SPRED1: variants seen among roughly 807,000 people sequenced by gnomAD.
SPRED1 encodes the protein sprouty related EVH1 domain containing 1.
A neutral mutation model predicts 52.3 loss-of-function variants in SPRED1; 18 were observed. The ratio of observed to expected loss-of-function variants is 0.34; its 90% CI spans 0.24 to 0.51. The LOEUF (loss-of-function observed/expected upper bound fraction) is 0.51. SPRED1 is among the 20% of genes least tolerant of loss of function. The probability of loss-of-function intolerance (pLI) is 0.97; values close to 1 mark genes in which losing one functional copy is unlikely to be tolerated. For missense variants in SPRED1, 485 were observed against 551.0 expected (o/e 0.88, Z 1.20); for synonymous variants, 155 against 179.7 (o/e 0.86, Z 1.10).
intron 1 of SPRED1, among the ~76,000 whole-genome samples, chr15:38,293,027 ATAT>A (rs1257690638): frequency 2.0e-5 from 3 of 150,808 alleles, no homozygotes; most frequent in African/African-American, 4.9e-5. Context: ...ACTGTGATAA[ATAT>A]TATTATTTCC....
At chr15:38,260,788 C>T (rs891185998) in intron 1 of SPRED1, among the ~76,000 whole-genome samples, 4 of 152,150 alleles carry the variant, frequency 2.6e-5, no homozygotes, top group Non-Finnish European at 5.9e-5. Context: ...CTGCCAAAAA[C>T]ATCCATGACA....
intron 2 of SPRED1, among the ~76,000 whole-genome samples, chr15:38,316,824 C>G (rs1398713715): frequency 8.3e-6 from 1 of 121,078 alleles, no homozygotes; most frequent in Non-Finnish European, 1.6e-5. Context: ...ATGAAAAGTT[C>G]AAAAAGTTCT....
chr15:38,275,496 A>G (rs1894530095), intron 1 of SPRED1, among the ~76,000 whole-genome samples: 1 of 151,988 alleles, frequency 6.6e-6, no homozygotes, highest in Admixed American at 6.6e-5. Context: ...GGCTGGTGGT[A>G]TTATTATTAC....
At chr15:38,320,005 A>C (rs1016443799) in intron 2 of SPRED1, among the ~76,000 whole-genome samples, 1 of 152,172 alleles carries the variant, frequency 6.6e-6, no homozygotes, top group South Asian at 2.1e-4. Flanking sequence ...TAGTATTTCC[A>C]CCGTACAGAT....
intron 4 of SPRED1, among the ~76,000 whole-genome samples, chr15:38,329,489 A>G (rs1895769430): frequency 6.6e-6 from 1 of 152,204 alleles, no homozygotes; most frequent in Non-Finnish European, 1.5e-5. Context: ...TTTAGGTAGT[A>G]CAGAGTATTT....
At chr15:38,263,843 A>G (rs1894251444) in intron 1 of SPRED1, among the ~76,000 whole-genome samples, 1 of 152,190 alleles carries the variant, frequency 6.6e-6, no homozygotes, top group Non-Finnish European at 1.5e-5. Context: ...AAATCTCATA[A>G]TGTTATAAGA....
rs773453342 is a variant in SPRED1, at chr15:38,351,745, C to T, written c.*81C>T. The T allele has an allele frequency of 2.2e-5, 33 of 1,517,022 alleles. No homozygotes were observed. Among genetic ancestry groups the T allele is most frequent in the Non-Finnish European group, 2.8e-5 (31 of 1,115,808 alleles). 94.0% of individuals were successfully genotyped at this position (1,517,022 alleles called of 1,614,324 possible). ...TGGATTTGTGGAAGCTTTTGGCAAG[C>T]AATATGGAATCTTGCCTGGTATCAT... On this transcript the variant is annotated 3_prime_UTR_variant, in exon 7 of 7. Coordinates refer to ENST00000299084, the MANE Select transcript of SPRED1 (RefSeq NM_152594.3).
intron 3 of SPRED1, among the ~76,000 whole-genome samples, chr15:38,324,040 T>G (rs2140996057): frequency 6.6e-6 from 1 of 152,256 alleles, no homozygotes; most frequent in South Asian, 2.1e-4. Flanking sequence ...TATATAGACT[T>G]TCAACAATCT....
At chr15:38,334,006 G>A (rs1203329729) in intron 4 of SPRED1, among the ~76,000 whole-genome samples, 1 of 152,056 alleles carries the variant, frequency 6.6e-6, no homozygotes, top group South Asian at 2.1e-4. Context: ...GGATTATTGT[G>A]AAGATTGAGT....
intron 2 of SPRED1, among the ~76,000 whole-genome samples, chr15:38,316,835 A>G (rs1193052334): frequency 7.5e-6 from 1 of 133,744 alleles, no homozygotes; most frequent in Non-Finnish European, 1.5e-5. Context: ...AAAAAGTTCT[A>G]GTACTAATAA....
At chr15:38,277,993 T>A (rs1894596029) in intron 1 of SPRED1, among the ~76,000 whole-genome samples, 1 of 78,772 alleles carries the variant, frequency 1.3e-5, no homozygotes, top group Non-Finnish European at 3.0e-5. Flanking sequence ...TTTAAATTAA[T>A]GTAAGGATGT....
intron 1 of SPRED1, among the ~76,000 whole-genome samples, chr15:38,269,909 T>C (rs952190057): frequency 9.4e-5 from 10 of 106,724 alleles, no homozygotes; most frequent in African/African-American, 3.5e-4. Context: ...TTCTTTCTTT[T>C]TTTTTTTTTT....
chr15:38,326,560 G>C (rs574947261), intron 4 of SPRED1, among the ~76,000 whole-genome samples: 3 of 152,290 alleles, frequency 2.0e-5, no homozygotes, highest in African/African-American at 7.2e-5. Context: ...AGAAACTTTC[G>C]ATTGAAGTAG....
chr15:38,303,055 G>A (rs902695791), intron 2 of SPRED1, among the ~76,000 whole-genome samples: 4 of 152,022 alleles, frequency 2.6e-5, no homozygotes, highest in African/African-American at 7.2e-5. Context: ...GTGGTGGCAC[G>A]TGCCTGTAGT....
intron 1 of SPRED1, among the ~76,000 whole-genome samples, chr15:38,278,889 G>A (rs953239122): frequency 7.2e-6 from 1 of 139,182 alleles, no homozygotes; most frequent in Non-Finnish European, 1.5e-5. Flanking sequence ...GTGCAGTGGC[G>A]GAATCTTAGC....
intron 2 of SPRED1, among the ~76,000 whole-genome samples, chr15:38,319,809 A>G (rs913013312): frequency 6.6e-6 from 1 of 152,240 alleles, no homozygotes; most frequent in Non-Finnish European, 1.5e-5. Flanking sequence ...CTGAATTAAT[A>G]AAACTTACTA....
At chr15:38,346,332 C>G (rs966989015) in intron 5 of SPRED1, among the ~76,000 whole-genome samples, 3 of 151,350 alleles carry the variant, frequency 2.0e-5, no homozygotes, top group African/African-American at 7.3e-5. Flanking sequence ...AAAAAATCCT[C>G]TGGATGGATA....
At chr15:38,269,400 G>A (rs562651833) in intron 1 of SPRED1, among the ~76,000 whole-genome samples, 16 of 152,254 alleles carry the variant, frequency 1.1e-4, no homozygotes, top group African/African-American at 3.1e-4. Context: ...CTGCCGCCAT[G>A]CCCAGTAATT....
At chr15:38,253,290 C>A in intron 1 of SPRED1, 73 bp downstream of exon 1, 1 of 1,453,392 alleles carries the variant, frequency 6.9e-7, no homozygotes, top group Non-Finnish European at 9.5e-7. Flanking sequence ...CAGACCCATC[C>A]GAAACTTGGG....
Sources: allele counts gnomAD v4.1 joint callset (sites outside exome capture counted in the v4.1 genomes callset), GRCh38; gene constraint gnomAD v4.1.1; transcripts MANE v1.5; gene names NCBI Gene and HGNC (gene_info 2026-07-23, HGNC 2026-07-21).